SLC12A8: variants seen among roughly 807,000 people sequenced by gnomAD.
The protein encoded by SLC12A8 is cation-chloride cotransporter 9.
SLC12A8 carries 69 observed loss-of-function variants against 75.6 expected under a neutral mutation model. The ratio of observed to expected loss-of-function variants is 0.91; its 90% CI spans 0.75 to 1.11. SLC12A8 has a LOEUF of 1.11. Among genes scored for constraint, SLC12A8 ranks in the 50% most tolerant of loss-of-function variants. The probability of loss-of-function intolerance (pLI) is 0.00; values close to 1 mark genes in which losing one functional copy is unlikely to be tolerated. For synonymous variants in SLC12A8, 365 were observed against 372.8 expected, an observed-to-expected ratio of 0.98 and a Z score of 0.24; for missense variants, 877 against 896.7, an observed-to-expected ratio of 0.98 and a Z score of 0.28.
chr3:125,176,839 G>A (rs1934540064), intron 5 of SLC12A8, among the ~76,000 whole-genome samples: 1 of 144,912 alleles, frequency 6.9e-6, no homozygotes, highest in Non-Finnish European at 1.5e-5. Flanking sequence ...GTGCTAGAGA[G>A]GATGTGCAGA....
At chr3:125,085,505 T>C (rs779555461) in intron 13 of SLC12A8, among the ~76,000 whole-genome samples, 2 of 152,216 alleles carry the variant, frequency 1.3e-5, no homozygotes, top group Non-Finnish European at 2.9e-5. Flanking sequence ...TTGGGGGTTA[T>C]AGTTGGGGAC....
intron 5 of SLC12A8, among the ~76,000 whole-genome samples, chr3:125,140,351 C>G (rs1362453364): frequency 2.0e-5 from 3 of 152,222 alleles, no homozygotes; most frequent in African/African-American, 7.2e-5. Flanking sequence ...ATAGCCAGAT[C>G]TGCCTGTATT....
At chr3:125,157,631 A>G (rs1934077874) in intron 5 of SLC12A8, among the ~76,000 whole-genome samples, 1 of 151,676 alleles carries the variant, frequency 6.6e-6, no homozygotes, top group Non-Finnish European at 1.5e-5. Context: ...CACTTTCTGA[A>G]CTCTTCCATG....
intron 10 of SLC12A8, among the ~76,000 whole-genome samples, chr3:125,098,132 C>T (rs1560050267): frequency 6.6e-6 from 1 of 151,950 alleles, no homozygotes; most frequent in Admixed American, 6.6e-5. Context: ...ATATTAAACC[C>T]TCTGTGAAAA....
At chr3:125,161,698 T>A (rs1326481040) in intron 5 of SLC12A8, among the ~76,000 whole-genome samples, 1 of 140,820 alleles carries the variant, frequency 7.1e-6, no homozygotes, top group African/African-American at 2.7e-5. Context: ...AAAAAAAAAA[T>A]CTAAGGAACA....
chr3:125,194,613 G>A (rs1371155104), intron 2 of SLC12A8, among the ~76,000 whole-genome samples: 1 of 152,252 alleles, frequency 6.6e-6, no homozygotes, highest in East Asian at 1.9e-4. Flanking sequence ...CACCAGCTAA[G>A]TCTTCATGAA....
At chr3:125,097,661 G>A (rs1481002386) in intron 10 of SLC12A8, among the ~76,000 whole-genome samples, 2 of 151,918 alleles carry the variant, frequency 1.3e-5, no homozygotes, top group East Asian at 1.9e-4. Flanking sequence ...AGCAATGTAA[G>A]GGAAAATTTA....
intron 6 of SLC12A8, among the ~76,000 whole-genome samples, chr3:125,133,999 T>C (rs1358196575): frequency 2.0e-5 from 3 of 152,258 alleles, no homozygotes; most frequent in Admixed American, 6.5e-5. Context: ...TGCATATAAA[T>C]GGAAATTTAT....
At chr3:125,192,200 G>C (rs1934920983) in intron 2 of SLC12A8, among the ~76,000 whole-genome samples, 1 of 152,056 alleles carries the variant, frequency 6.6e-6, no homozygotes, top group Non-Finnish European at 1.5e-5. Context: ...ATACTGTAGA[G>C]AGTGCCATCA....
Position 125,125,312 on chromosome 3 carries a change from C to T in SLC12A8, c.737-4626G>A, listed in dbSNP as rs974082897. On this transcript the variant is annotated intron_variant, in intron 6 of 13. Coordinates refer to ENST00000469902, the MANE Select transcript of SLC12A8 (RefSeq NM_024628.6). ...GTGGCTCATGCCTGTAATCCCAGCA[C>T]TTTGGGAGGCTAAGGTGGGTGGATC... Among the ~76,000 whole-genome samples the T allele has an allele frequency of 2.0e-5, 3 of 152,070 alleles. No individual in the cohort carries two copies. In the South Asian group the frequency reaches 6.2e-4, roughly 31 times the overall value.
At chr3:125,187,050 A>G (rs1305933704) in intron 4 of SLC12A8, among the ~76,000 whole-genome samples, 187 bp downstream of exon 4, 1 of 152,188 alleles carries the variant, frequency 6.6e-6, no homozygotes, top group Non-Finnish European at 1.5e-5. Context: ...GGAGTGCTGG[A>G]CTAAGAGGTC....
At chr3:125,146,904 G>A (rs111865979) in intron 5 of SLC12A8, among the ~76,000 whole-genome samples, 76 of 152,306 alleles carry the variant, frequency 5.0e-4, no homozygotes, top group African/African-American at 1.6e-3. Context: ...GAAGCAGGGC[G>A]GGGAAGCTGC....
At chr3:125,169,297 G>A (rs924193962) in intron 5 of SLC12A8, among the ~76,000 whole-genome samples, 21 of 152,280 alleles carry the variant, frequency 1.4e-4, no homozygotes, top group Middle Eastern at 3.4e-3. Context: ...GCTTTTTACA[G>A]TGAAGAAGCT....
At chr3:125,197,014 T>G (rs1447446131) in intron 2 of SLC12A8, among the ~76,000 whole-genome samples, 1 of 152,212 alleles carries the variant, frequency 6.6e-6, no homozygotes, top group Non-Finnish European at 1.5e-5. Context: ...CTAAATATCA[T>G]TCTTCACTTT....
At chr3:125,189,448 G>A (rs1219117575) in intron 3 of SLC12A8, among the ~76,000 whole-genome samples, 1 of 152,170 alleles carries the variant, frequency 6.6e-6, no homozygotes, top group East Asian at 1.9e-4. Flanking sequence ...TCTCCTCCAG[G>A]AAGGCTTCCT....
intron 5 of SLC12A8, among the ~76,000 whole-genome samples, chr3:125,172,293 T>C (rs1934419711): frequency 6.6e-6 from 1 of 150,990 alleles, no homozygotes; most frequent in African/African-American, 2.4e-5. Flanking sequence ...AAAAAATTCA[T>C]CTTCTCTGTT....
At chr3:125,126,019 T>A in intron 6 of SLC12A8, 1 of 660,884 alleles carries the variant, frequency 1.5e-6, no homozygotes, top group Non-Finnish European at 1.9e-6. Flanking sequence ...AGGAAGCAGT[T>A]AATTGCTTTA....
At position 125,155,185 on chromosome 3, in the gene SLC12A8, C is replaced by T. The variant is rs943510225; in HGVS notation, c.623-19403G>A. On this transcript the variant is annotated intron_variant, in intron 5 of 13. Transcript: ENST00000469902. The stretch of plus-strand genomic sequence containing the variant: ...AAATGGAAACCATGGAAAGTGAAAC[C>T]GTGGGTGGCGGGGTGGAAGCTACTG... 7 of 152,120 alleles carry T rather than the reference C, an allele frequency of 4.6e-5. No individual in the cohort carries two copies. In the South Asian group the frequency reaches 1.0e-3, roughly 23 times the overall value. The allele number at this position is 152,120 out of a possible 1,614,324, so 9.4% of individuals were successfully genotyped here.
In SLC12A8 at chr3:125,118,841, G is replaced by C; in HGVS notation, c.840C>G (p.Ile280Met). ...AAVGISWFLY[I>M]IFVFLLGAIC... is the part of the protein sequence containing the mutation. ...TGGCGCCCAGGAGGAAGACGAAGAT[G>C]ATGTACAGAAACCACCTGCAAAACC... Residue 280 changes from isoleucine (I) to methionine (M), a missense_variant, in exon 8 of 14, where the codon ATC (isoleucine) becomes ATG (methionine). Ile to Met is a conservative substitution (Grantham distance 10). Transcript: ENST00000469902. 1 of 1,612,910 alleles carries C rather than the reference G, an allele frequency of 6.2e-7. No individual in the cohort carries two copies. Among genetic ancestry groups the C allele is most frequent in the Non-Finnish European group, 8.5e-7 (1 of 1,179,170 alleles).
Sources: allele counts gnomAD v4.1 joint callset (sites outside exome capture counted in the v4.1 genomes callset), GRCh38; gene constraint gnomAD v4.1.1; transcripts MANE v1.5; gene names NCBI Gene and HGNC (gene_info 2026-07-23, HGNC 2026-07-21).